LRRC71: variants seen among roughly 807,000 people sequenced by gnomAD.
The protein encoded by LRRC71 is leucine rich repeat containing 71, also known as leucine-rich repeat-containing protein 71.
In LRRC71, 54 loss-of-function variants were observed where a neutral mutation model predicts 66.6. The ratio of observed to expected loss-of-function variants is 0.81; its 90% confidence interval spans 0.65 to 1.02. The LOEUF (loss-of-function observed/expected upper bound fraction) is 1.02. Ranked by LOEUF, LRRC71 falls within the 50% of genes least tolerant of loss-of-function variation. The probability of loss-of-function intolerance (pLI) is 0.00; values close to 1 mark genes in which losing one functional copy is unlikely to be tolerated. For missense variants in LRRC71, 724 were observed against 718.0 expected (o/e 1.01, Z -0.10); for synonymous variants, 323 against 303.9 (o/e 1.06, Z -0.65).
chr1:156,937,252 G>C (rs1655637531), downstream of LRRC71: 2 of 1,613,818 alleles, frequency 1.2e-6, no homozygotes, highest in African/African-American at 1.3e-5. Context: ...CCCTCACCTT[G>C]AGCCTGTTGA....
At chr1:156,932,290 C>G in intron 13 of LRRC71, 134 bp from the exon 14 acceptor site, 2 of 732,288 alleles carry the variant, frequency 2.7e-6, no homozygotes, top group South Asian at 3.4e-5. Flanking sequence ...AGGGCTAGGT[C>G]AGGGAAAGGT....
downstream of LRRC71, among the ~76,000 whole-genome samples, chr1:156,936,480 G>GAAAAAAAAAAAAAAAAA (rs35863393): frequency 2.1e-5 from 1 of 48,022 alleles, no homozygotes; most frequent in Admixed American, 3.2e-4. Context: ...CAAATAAATA[G>GAAAAAAAAAAAAAAAAA]AAAAAAAAAA....
Position 156,924,947 on chromosome 1 carries a change from G to T in LRRC71, c.525G>T (p.Lys175Asn). 3 of 1,551,708 alleles carry T rather than the reference G, an allele frequency of 1.9e-6. No homozygotes were observed. Among genetic ancestry groups the T allele is most frequent in the Non-Finnish European group, 1.7e-6 (2 of 1,147,000 alleles). ...LTQLQAINLWKVGLTDKTLTT... is the reference protein window; with the variant it reads ...LTQLQAINLWNVGLTDKTLTT... ...TTCCCGCCCACGACAGCTTGTGGAA[G>T]GTGGGGCTGACCGATAAGACCCTGA... The change falls in exon 5 of 15, where the codon AAG becomes AAT. Residue 175 changes from lysine (K) to asparagine (N), a missense_variant. By Grantham distance (94) the Lys-to-Asn change is moderately conservative (BLOSUM62 0). Transcript: ENST00000337428.
Position 156,929,301 on chromosome 1 carries a change from G to A in LRRC71, c.1018G>A (p.Asp340Asn). The change falls in exon 10 of 15, where the codon GAC becomes AAC. Residue 340 changes from aspartate (D) to asparagine (N), a missense_variant. Coordinates refer to ENST00000337428, the MANE Select transcript of LRRC71 (RefSeq NM_144702.3). Reference sequence around the variant, plus strand: ...ACAGCCCTCCTCCTCTCGACACGGGGACTCCAAAACGGACCGTGAGAAGAG... The same window carrying A: ...ACAGCCCTCCTCCTCTCGACACGGGAACTCCAAAACGGACCGTGAGAAGAG... ...SRSPSSSRHG[D>N]SKTDREKSQM... The A allele has an allele frequency of 6.2e-7, 1 of 1,608,228 alleles. No homozygotes were observed. The highest frequency in any genetic ancestry group is 8.5e-7 in the Non-Finnish European group (1 of 1,177,214).
At chr1:156,936,141 C>A (rs374573005), downstream of LRRC71, 40 of 1,372,216 alleles carry the variant, frequency 2.9e-5, no homozygotes, top group Non-Finnish European at 4.0e-5. Context: ...TTCAGGCTCA[C>A]GAGAACAGAT....
chr1:156,925,167 C>A (rs2101607650), intron 5 of LRRC71, among the ~76,000 whole-genome samples, 152 bp downstream of exon 5: 1 of 152,282 alleles, frequency 6.6e-6, no homozygotes, highest in East Asian at 1.9e-4. Flanking sequence ...TCTGTTGGAT[C>A]ATGATACCTC....
In LRRC71 at chr1:156,932,536, G is replaced by A; in HGVS notation, c.1554G>A (p.Leu518=). Residue 518 remains leucine, a synonymous_variant, in exon 14 of 15, where the codon CTG becomes CTA. Coordinates refer to ENST00000337428, the MANE Select transcript of LRRC71 (RefSeq NM_144702.3). The part of the protein sequence containing the change: ...ASKGPVGLLW[L]SLAKNCFAPQ... ...AGGGTCCAGTGGGGCTGCTGTGGCT[G>A]TCCCTGGCTGTGAGTCCCTTTCACT... is the stretch of plus-strand genomic sequence containing the variant. The A allele has an allele frequency of 1.9e-6, 3 of 1,614,022 alleles. No individual in the cohort carries two copies. Among genetic ancestry groups the A allele is most frequent in the Non-Finnish European group, 2.5e-6 (3 of 1,179,892 alleles).
At chr1:156,921,121 T>C (rs1240575704) in intron 1 of LRRC71, among the ~76,000 whole-genome samples, 158 bp downstream of exon 1, 1 of 152,166 alleles carries the variant, frequency 6.6e-6, no homozygotes, top group Non-Finnish European at 1.5e-5. Flanking sequence ...AACTTGATCT[T>C]AAAGAACCCA....
In LRRC71 at chr1:156,927,480, C is replaced by A; in HGVS notation, c.663-16C>A. On this transcript the variant is annotated splice_polypyrimidine_tract_variant and intron_variant, in intron 6 of 14. Coordinates refer to ENST00000337428, the MANE Select transcript of LRRC71 (RefSeq NM_144702.3). ...ACCTTTTCCAGCGACCCACATTCTC[C>A]CTCCGGCTGCCCCAGGATTGCGCAC... 1 of 1,521,792 alleles carries A rather than the reference C, an allele frequency of 6.6e-7. No individual in the cohort carries two copies. The highest frequency in any genetic ancestry group is 1.4e-5 in the African/African-American group (1 of 72,166). 94.3% of individuals were successfully genotyped at this position (1,521,792 alleles called of 1,614,324 possible).
Position 156,920,716 on chromosome 1 carries a change from T to TCCGCCCC in LRRC71, c.-87_-86insCGCCCCC. The TCCGCCCC allele has an allele frequency of 7.5e-7, 1 of 1,336,810 alleles. No individual in the cohort carries two copies. 82.8% of individuals were successfully genotyped at this position (1,336,810 alleles called of 1,614,324 possible). On this transcript the variant is annotated 5_prime_UTR_variant, in exon 1 of 15. Coordinates refer to ENST00000337428, the MANE Select transcript of LRRC71 (RefSeq NM_144702.3). This position sits in a 1 kb window ranked among gnomAD's most constrained non-coding sequence, Gnocchi z 4.9. ...GGACGCGGAACAGAGATCCCCTGAT[T>TCCGCCCC]CAGCCACCCCCAGACTGAGCCCCGT...
At chr1:156,934,161 A>G (rs1017147573), downstream of LRRC71, among the ~76,000 whole-genome samples, 3 of 152,230 alleles carry the variant, frequency 2.0e-5, no homozygotes, top group African/African-American at 7.2e-5. Flanking sequence ...CTTTCAGCCC[A>G]TATCTTTATC....
intron 1 of LRRC71, among the ~76,000 whole-genome samples, chr1:156,921,262 T>C (rs994337234): frequency 1.3e-5 from 2 of 152,186 alleles, no homozygotes; most frequent in African/African-American, 4.8e-5. Context: ...AGATGTTCAT[T>C]CATTGATTCA....
the LRRC71 span, chr1:156,938,309 AG>A: frequency 1.0e-6 from 1 of 976,430 alleles, no homozygotes; most frequent in Non-Finnish European, 1.5e-6. Context: ...CAGGCAGCTG[AG>A]GGAGCTTGTG....
downstream of LRRC71, chr1:156,936,941 G>A (rs747398529): frequency 2.9e-5 from 46 of 1,613,994 alleles, no homozygotes; most frequent in East Asian, 4.5e-5. Context: ...GCCCACAGGC[G>A]TGGTGCCACC....
At chr1:156,925,217 A>C (rs2101607987) in intron 5 of LRRC71, among the ~76,000 whole-genome samples, 1 of 152,282 alleles carries the variant, frequency 6.6e-6, no homozygotes, top group East Asian at 1.9e-4. Flanking sequence ...TGCCCACACC[A>C]GCACCCAAAG....
chr1:156,924,245 G>C, intron 2 of LRRC71, 147 bp downstream of exon 2: 2 of 1,239,692 alleles, frequency 1.6e-6, no homozygotes, highest in Non-Finnish European at 2.2e-6. Context: ...GGGAGGTGGG[G>C]GAGTCTCCCG....
chr1:156,940,718 A>C, the LRRC71 span, among the ~76,000 whole-genome samples: 1 of 152,218 alleles, frequency 6.6e-6, no homozygotes, highest in Non-Finnish European at 1.5e-5. Context: ...CGGAAAGAAG[A>C]AAACAACAAC....
At position 156,924,036 on chromosome 1, in the gene LRRC71, AC is replaced by A; in HGVS notation, c.250del (p.Arg84GlyfsTer20). On this transcript the variant is annotated frameshift_variant, in exon 2 of 15. Transcript: ENST00000337428. LOFTEE classifies it high-confidence loss of function. ...TACACGGACTTCCCCAAAGTTGTCA[AC>A]CGGCCCCGCCCCCACCCGCCCTTCG... Reference protein sequence around the residue: ...WGYTDFPKVVNRPRPHPPFVP... With the variant: ...WGYTDFPKVVXRPRPHPPFVP... The A allele has an allele frequency of 6.5e-7, 1 of 1,548,502 alleles. No individual in the cohort carries two copies. Among genetic ancestry groups the A allele is most frequent in the Non-Finnish European group, 8.7e-7 (1 of 1,146,180 alleles).
In LRRC71 at chr1:156,920,971, G is replaced by T. The variant is rs777381030; in HGVS notation, c.160+8G>T. The T allele has an allele frequency of 4.0e-6, 6 of 1,495,292 alleles. No individual in the cohort carries two copies. In the South Asian group the frequency reaches 7.8e-5, roughly 20 times the overall value. The allele number at this position is 1,495,292 out of a possible 1,614,324, so 92.6% of individuals were successfully genotyped here. ...AGGAGCCCAAAAGCCCTGGTACGCTGGCGCCGGGGTTTGGGGATCGGGCTT... is the reference window on the plus strand; with the variant it reads ...AGGAGCCCAAAAGCCCTGGTACGCTTGCGCCGGGGTTTGGGGATCGGGCTT... On this transcript the variant is annotated splice_region_variant and intron_variant, in intron 1 of 14. Transcript: ENST00000337428. This position sits in a 1 kb window ranked among gnomAD's most constrained non-coding sequence, Gnocchi z 4.9.
Sources: gnomAD v4.1 joint callset for allele counts (sites outside exome capture counted in the v4.1 genomes callset) on GRCh38, gnomAD v4.1.1 for gene constraint, Gnocchi (gnomAD v3.1) non-coding constraint, MANE v1.5 for transcripts, NCBI Gene and HGNC (gene_info 2026-07-23, HGNC 2026-07-21) for gene names.